The following DNM3 variants were observed in gnomAD, a reference collection of about 807,000 sequenced individuals.
The protein encoded by DNM3 is dynamin 3, also known as dynamin-3.
In DNM3, 47 loss-of-function variants were observed where a neutral mutation model predicts 101.6. That is an observed-to-expected ratio of 0.46 (90% confidence interval 0.37 to 0.59). The LOEUF is 0.59. Ranked by LOEUF, DNM3 falls within the 20% of genes least tolerant of loss-of-function variation. The probability of loss-of-function intolerance (pLI) is 0.00; values close to 1 mark genes in which losing one functional copy is unlikely to be tolerated. For missense variants in DNM3, 849 were observed against 1,085.7 expected (o/e 0.78, Z 3.06); for synonymous variants, 385 against 387.9 (o/e 0.99, Z 0.09).
In DNM3 at chr1:172,412,597, T is replaced by C. The variant is rs1447312829; in HGVS notation, c.*4756T>C. On this transcript the variant is annotated 3_prime_UTR_variant, in exon 21 of 21. Coordinates refer to ENST00000627582, the MANE Select transcript of DNM3 (RefSeq NM_015569.5). ...TTCTTAATGCTGATATATGGACTCT[T>C]AGAATGGAATTTTTGAAGAAAAATC... The C allele has an allele frequency of 2.0e-6, 2 of 985,748 alleles. No homozygotes were observed. The allele number at this position is 985,748 out of a possible 1,614,324, so 61.1% of individuals were successfully genotyped here.
At chr1:172,245,483 C>G (rs1318984004) in intron 14 of DNM3, among the ~76,000 whole-genome samples, 1 of 152,206 alleles carries the variant, frequency 6.6e-6, no homozygotes. Context: ...GAGGCCCTTG[C>G]CATGCTGGCC....
intron 14 of DNM3, among the ~76,000 whole-genome samples, chr1:172,168,070 TG>T (rs1395839687): frequency 2.6e-5 from 4 of 152,046 alleles, no homozygotes; most frequent in Admixed American, 2.6e-4. Context: ...ATGGATGTTA[TG>T]CTATTTTCCT....
At chr1:172,126,244 T>G (rs1194040153) in intron 13 of DNM3, among the ~76,000 whole-genome samples, 1 of 152,218 alleles carries the variant, frequency 6.6e-6, no homozygotes, top group Admixed American at 6.6e-5. Flanking sequence ...CTTAACCTTT[T>G]TATGATGGCA....
chr1:172,400,869 T>A (rs564953636), intron 20 of DNM3, among the ~76,000 whole-genome samples: 14 of 152,294 alleles, frequency 9.2e-5, no homozygotes, highest in African/African-American at 3.4e-4. Context: ...ATTCCTGGAA[T>A]GCTAGTCCCC....
rs553405591 is a variant in DNM3 at position 172,061,418 on chromosome 1, A to G, written c.1336-7401A>G. ...GCACATGTATGTTTATTGCAGCACT[A>G]TTCACAATAGCAAAGACTTGAAACC... On this transcript the variant is annotated intron_variant, in intron 10 of 20. Transcript: ENST00000627582. Among the ~76,000 whole-genome samples the G allele has an allele frequency of 2.0e-5, 3 of 151,022 alleles. No individual in the cohort carries two copies. In the East Asian group the frequency reaches 5.9e-4, roughly 30 times the overall value.
intron 13 of DNM3, among the ~76,000 whole-genome samples, chr1:172,110,492 T>G (rs2055387780): frequency 2.0e-5 from 3 of 152,162 alleles, no homozygotes; most frequent in Admixed American, 2.0e-4. Flanking sequence ...AACAAGTAAC[T>G]GTTGAATGAA....
chr1:172,191,685 A>G (rs1457912764), intron 14 of DNM3, among the ~76,000 whole-genome samples: 2 of 151,986 alleles, frequency 1.3e-5, no homozygotes, highest in African/African-American at 4.8e-5. Flanking sequence ...GTCCTCTTTT[A>G]TTTCGTTGAG....
At chr1:172,351,278 A>T (rs2067190506) in intron 17 of DNM3, among the ~76,000 whole-genome samples, 1 of 152,190 alleles carries the variant, frequency 6.6e-6, no homozygotes. Flanking sequence ...AATCTAAGAA[A>T]TTTTTGTGTT....
At chr1:171,961,046 G>A (rs1015478968) in intron 2 of DNM3, among the ~76,000 whole-genome samples, 20 of 152,160 alleles carry the variant, frequency 1.3e-4, no homozygotes, top group African/African-American at 4.8e-4. Flanking sequence ...TCTCAGCTGA[G>A]TTTGGAAACC....
intron 4 of DNM3, among the ~76,000 whole-genome samples, chr1:171,996,161 A>G (rs1274865685): frequency 6.6e-6 from 1 of 152,194 alleles, no homozygotes; most frequent in Admixed American, 6.5e-5. Flanking sequence ...ATTTGTGGCT[A>G]GACAAAGTTC....
chr1:172,027,305 C>G (rs972652134), intron 4 of DNM3, among the ~76,000 whole-genome samples: 15 of 151,964 alleles, frequency 9.9e-5, no homozygotes, highest in Non-Finnish European at 1.9e-4. Flanking sequence ...ACAGACTGGG[C>G]TGGGCACAGT....
At chr1:171,986,355 C>T (rs1431896038) in intron 2 of DNM3, among the ~76,000 whole-genome samples, 1 of 152,084 alleles carries the variant, frequency 6.6e-6, no homozygotes, top group Admixed American at 6.6e-5. Flanking sequence ...TGAGTTAATG[C>T]TAACCTGCTT....
chr1:172,269,376 C>T (rs759112405), intron 15 of DNM3, among the ~76,000 whole-genome samples: 2 of 152,160 alleles, frequency 1.3e-5, no homozygotes, highest in African/African-American at 2.4e-5. Context: ...AGAAGTGTGC[C>T]TCCATTTGGA....
intron 13 of DNM3, among the ~76,000 whole-genome samples, chr1:172,130,051 T>G (rs1254332840): frequency 1.3e-5 from 2 of 152,144 alleles, no homozygotes; most frequent in Non-Finnish European, 2.9e-5. Flanking sequence ...AGAACCGTGG[T>G]CTATTCCATA....
At chr1:172,188,547 T>C (rs2059598805) in intron 14 of DNM3, among the ~76,000 whole-genome samples, 1 of 152,124 alleles carries the variant, frequency 6.6e-6, no homozygotes, top group Non-Finnish European at 1.5e-5. Context: ...CATTGTCTGG[T>C]TGTACCACAG....
chr1:171,878,083 A>G (rs1055320651), intron 1 of DNM3, among the ~76,000 whole-genome samples: 2 of 151,074 alleles, frequency 1.3e-5, no homozygotes, highest in Non-Finnish European at 3.0e-5. Context: ...ATTTAAAAGT[A>G]AAGTAAAATT....
chr1:172,358,777 A>G (rs1462543738), intron 17 of DNM3, among the ~76,000 whole-genome samples: 3 of 152,084 alleles, frequency 2.0e-5, no homozygotes, highest in Non-Finnish European at 4.4e-5. Context: ...TATAAAGGGA[A>G]TGTTGCCACT....
chr1:171,898,703 T>TAGAG (rs141037836), intron 1 of DNM3, among the ~76,000 whole-genome samples: 27,527 of 127,356 alleles, frequency 0.22, 2,788 homozygotes, highest in East Asian at 0.5. Flanking sequence ...CATATATATA[T>TAGAG]ATAGAGAGAG....
At chr1:171,969,899 C>T (rs1030672510) in intron 2 of DNM3, among the ~76,000 whole-genome samples, 1 of 152,062 alleles carries the variant, frequency 6.6e-6, no homozygotes, top group Non-Finnish European at 1.5e-5. Context: ...CCAGAACAGT[C>T]AGGGTTGTTT....
Sources: allele counts gnomAD v4.1 joint callset (sites outside exome capture counted in the v4.1 genomes callset), GRCh38; gene constraint gnomAD v4.1.1; transcripts MANE v1.5; gene names NCBI Gene and HGNC (gene_info 2026-07-23, HGNC 2026-07-21).